Variants in DRC8 observed in about 807,000 individuals in gnomAD.
DRC8 encodes the protein dynein regulatory complex subunit 8.
the DRC8 span, among the ~76,000 whole-genome samples, chr1:245,119,960 G>A: frequency 2.0e-5 from 3 of 151,568 alleles, no homozygotes; most frequent in East Asian, 1.9e-4. Flanking sequence ...AAGTAAATAA[G>A]TAAATAAATA....
chr1:245,010,388 G>T, the DRC8 span, among the ~76,000 whole-genome samples: 1 of 152,174 alleles, frequency 6.6e-6, no homozygotes, highest in Non-Finnish European at 1.5e-5. Context: ...ACTGGGTAAT[G>T]GTGCATTCTG....
At chr1:245,077,394 T>C in the DRC8 span, among the ~76,000 whole-genome samples, 1 of 152,326 alleles carries the variant, frequency 6.6e-6, no homozygotes, top group Non-Finnish European at 1.5e-5. Context: ...TTAATATTGA[T>C]TCATTAGTTA....
At chr1:244,976,828 A>C in the DRC8 span, among the ~76,000 whole-genome samples, 4 of 152,228 alleles carry the variant, frequency 2.6e-5, no homozygotes, top group Non-Finnish European at 5.9e-5. Context: ...CCTCGAAGAG[A>C]TATTTGCACA....
the DRC8 span, among the ~76,000 whole-genome samples, chr1:245,100,654 G>T: frequency 6.6e-6 from 1 of 151,518 alleles, no homozygotes; most frequent in African/African-American, 2.4e-5. Context: ...GGTGGTGCAC[G>T]CCTGTAGTCC....
chr1:245,116,881 A>T, the DRC8 span, among the ~76,000 whole-genome samples: 1 of 152,062 alleles, frequency 6.6e-6, no homozygotes, highest in Non-Finnish European at 1.5e-5. Flanking sequence ...TTCTGTGGTT[A>T]ATACTTATAA....
the DRC8 span, among the ~76,000 whole-genome samples, chr1:245,084,852 T>C: frequency 2.8e-4 from 42 of 152,174 alleles, no homozygotes; most frequent in African/African-American, 9.9e-4. Context: ...ATACAGAGAG[T>C]GAGGGTCAGA....
the DRC8 span, among the ~76,000 whole-genome samples, chr1:245,020,493 G>A: frequency 1.3e-5 from 2 of 151,852 alleles, no homozygotes; most frequent in African/African-American, 2.4e-5. Flanking sequence ...AGTTCTCAGA[G>A]TGCCCCCAAG....
the DRC8 span, among the ~76,000 whole-genome samples, chr1:245,057,942 T>C: frequency 6.6e-6 from 1 of 152,180 alleles, no homozygotes; most frequent in Admixed American, 6.5e-5. Context: ...TTGTCCTCCT[T>C]CTCCTCTTCC....
At chr1:245,078,132 A>C in the DRC8 span, among the ~76,000 whole-genome samples, 1 of 152,336 alleles carries the variant, frequency 6.6e-6, no homozygotes. Context: ...ATGCAAACCA[A>C]AACCACAATG....
At chr1:244,984,814 G>A in the DRC8 span, among the ~76,000 whole-genome samples, 5 of 143,724 alleles carry the variant, frequency 3.5e-5, no homozygotes, top group African/African-American at 1.3e-4. Context: ...CAGCCTGGGC[G>A]ACAGAGCAAG....
At chr1:244,997,139 A>G in the DRC8 span, among the ~76,000 whole-genome samples, 1 of 152,214 alleles carries the variant, frequency 6.6e-6, no homozygotes, top group Non-Finnish European at 1.5e-5. Context: ...TATTTTCAAT[A>G]TACAGTTGAA....
chr1:245,103,774 C>A, the DRC8 span, among the ~76,000 whole-genome samples: 3 of 152,158 alleles, frequency 2.0e-5, no homozygotes, highest in African/African-American at 7.2e-5. Flanking sequence ...CTCAGAGCTT[C>A]CTAGTACCAA....
the DRC8 span, among the ~76,000 whole-genome samples, chr1:245,039,722 G>A: frequency 2.3e-4 from 35 of 152,162 alleles, no homozygotes; most frequent in Admixed American, 5.9e-4. Context: ...TCATCACCTT[G>A]ATACTTTTGA....
the DRC8 span, among the ~76,000 whole-genome samples, chr1:245,085,520 A>G: frequency 6.6e-6 from 1 of 152,138 alleles, no homozygotes. Flanking sequence ...TATTTCAGAG[A>G]GAAAATAAGC....
At chr1:245,117,080 G>A in the DRC8 span, among the ~76,000 whole-genome samples, 1 of 152,200 alleles carries the variant, frequency 6.6e-6, no homozygotes, top group Non-Finnish European at 1.5e-5. Flanking sequence ...GTGAGACAGA[G>A]TCTTGCTCTG....
the DRC8 span, among the ~76,000 whole-genome samples, chr1:245,033,624 G>T: frequency 6.6e-6 from 1 of 152,120 alleles, no homozygotes. Context: ...GTCCCATCCT[G>T]TTCAAACTGT....
chr1:245,081,951 C>T, the DRC8 span: 1 of 679,132 alleles, frequency 1.5e-6, no homozygotes, highest in Non-Finnish European at 2.7e-6. Flanking sequence ...AGGACCATCT[C>T]TGTGAGCAGG....
chr1:245,119,056 C>T, the DRC8 span, among the ~76,000 whole-genome samples: 2,073 of 152,248 alleles, frequency 0.014, 59 homozygotes, highest in African/African-American at 0.046. Flanking sequence ...CAACCCATGC[C>T]TCTGGCTGTT....
the DRC8 span, among the ~76,000 whole-genome samples, chr1:245,058,174 C>G: frequency 2.0e-5 from 3 of 151,954 alleles, no homozygotes; most frequent in Non-Finnish European, 4.4e-5. Flanking sequence ...TTTGGGAAGT[C>G]AAGGCTGCAG....
Sources: gnomAD v4.1 joint callset for allele counts (sites outside exome capture counted in the v4.1 genomes callset) on GRCh38, gnomAD v4.1.1 for gene constraint, MANE v1.5 for transcripts, NCBI Gene and HGNC (gene_info 2026-07-23, HGNC 2026-07-21) for gene names.